Variants in LOXHD1 observed in about 807,000 individuals in gnomAD.
LOXHD1 encodes lipoxygenase homology PLAT domains 1.
Under a neutral mutation model 248.2 loss-of-function variants are expected in LOXHD1, and 205 were observed. That is an observed-to-expected ratio of 0.83 (90% CI 0.74 to 0.93). The LOEUF (loss-of-function observed/expected upper bound fraction) is 0.93. Ranked by LOEUF, LOXHD1 falls within the 40% of genes least tolerant of loss-of-function variation. The pLI, the probability that LOXHD1 is intolerant of heterozygous loss-of-function variation, is 0.00. For missense variants in LOXHD1, 2,930 were observed against 2,971.6 expected, an observed-to-expected ratio of 0.99 and a Z score of 0.33; for synonymous variants, 1,113 against 1,162.8, an observed-to-expected ratio of 0.96 and a Z score of 0.87.
At chr18:46,521,390 G>A in intron 32 of LOXHD1, 108 bp from the exon 33 acceptor site, 1 of 1,237,278 alleles carries the variant, frequency 8.1e-7, no homozygotes, top group Non-Finnish European at 1.1e-6. Flanking sequence ...CTGTGCACTT[G>A]CTGGCCCAGG....
intron 28 of LOXHD1, among the ~76,000 whole-genome samples, chr18:46,530,937 C>T (rs1439413623): frequency 6.6e-6 from 1 of 152,114 alleles, no homozygotes; most frequent in Non-Finnish European, 1.5e-5. Flanking sequence ...GAGTCTTTGC[C>T]TCCAACCCAG....
chr18:46,568,425 A>G (rs1331334640), intron 16 of LOXHD1, among the ~76,000 whole-genome samples: 1 of 152,200 alleles, frequency 6.6e-6, no homozygotes, highest in African/African-American at 2.4e-5. Flanking sequence ...TGGCCTATAA[A>G]GACTTGAACA....
chr18:46,484,738 T>C (rs1598814450), intron 39 of LOXHD1, among the ~76,000 whole-genome samples: 1 of 151,960 alleles, frequency 6.6e-6, no homozygotes, highest in African/African-American at 2.4e-5. Flanking sequence ...TGGAAGGAGG[T>C]GTGGTCCTTG....
chr18:46,543,424 AT>A lies in LOXHD1; in HGVS notation c.3620-570del, dbSNP rs963969104. Reference sequence around the variant, plus strand: ...ATTTTCTTTTTATCTTTTAAAAAAAATTTTTTATTACACTTTAAGTTCTGGG... The same window carrying A: ...ATTTTCTTTTTATCTTTTAAAAAAAATTTTTATTACACTTTAAGTTCTGGG... On this transcript the variant is annotated intron_variant, in intron 23 of 40. Transcript: ENST00000642948. 1.8e-3 allele frequency among the ~76,000 whole-genome samples: 275 copies of A among 152,194 alleles called. 4 individuals carry two copies. Among genetic ancestry groups the A allele is most frequent in the African/African-American group, 6.2e-3 (257 of 41,542 alleles).
At chr18:46,516,645 C>G (rs1213711246) in intron 34 of LOXHD1, among the ~76,000 whole-genome samples, 1 of 152,136 alleles carries the variant, frequency 6.6e-6, no homozygotes, top group Non-Finnish European at 1.5e-5. Context: ...CTGCCACCAT[C>G]ATAATCATCA....
chr18:46,569,376 A>G lies in LOXHD1; in HGVS notation c.2244+66T>C, dbSNP rs567872773. 51 of 1,316,354 alleles carry G rather than the reference A, an allele frequency of 3.9e-5. No individual in the cohort carries two copies. In the South Asian group the frequency reaches 6.5e-4, roughly 17 times the overall value. The allele number at this position is 1,316,354 out of a possible 1,614,324, so 81.5% of individuals were successfully genotyped here. A position where few individuals can be genotyped will look rare whatever the true frequency, so the allele number is the denominator to read the frequency against. Reference sequence around the variant, plus strand: ...TGTGTGTGGACATATGTGTGTGTGGACACGTGTGAATGTGTGTTCGGAAAT... The same window carrying G: ...TGTGTGTGGACATATGTGTGTGTGGGCACGTGTGAATGTGTGTTCGGAAAT... On this transcript the variant is annotated intron_variant, in intron 16 of 40. Coordinates refer to ENST00000642948, the MANE Select transcript of LOXHD1 (RefSeq NM_001384474.1).
At chr18:46,487,558 T>C (rs181224828) in intron 38 of LOXHD1, among the ~76,000 whole-genome samples, 11 of 152,258 alleles carry the variant, frequency 7.2e-5, no homozygotes, top group African/African-American at 2.6e-4. Flanking sequence ...ACCATGTGGG[T>C]TGGATGGAGC....
intron 19 of LOXHD1, 40 bp downstream of exon 19, chr18:46,560,043 G>GCCCCCCCCCCCCCC: frequency 2.1e-6 from 3 of 1,401,428 alleles, no homozygotes; most frequent in East Asian, 2.6e-5. Flanking sequence ...GAACTGTCTG[G>GCCCCCCCCCCCCCC]CCACTCCCTC....
In LOXHD1 at chr18:46,483,359, A is replaced by G. The variant is rs111445041; in HGVS notation, c.6341+228T>C. Among the ~76,000 whole-genome samples, 991 of 152,332 alleles carry G rather than the reference A, an allele frequency of 6.5e-3. 15 individuals are homozygous for G. Among genetic ancestry groups the G allele is most frequent in the African/African-American group, 0.023 (940 of 41,572 alleles). Reference sequence around the variant, plus strand: ...TGGATCCAAAGACTAGATGCACCCCAGGTCATCTGGCCTACTCCCCTGCCT... The same window carrying G: ...TGGATCCAAAGACTAGATGCACCCCGGGTCATCTGGCCTACTCCCCTGCCT... On this transcript the variant is annotated intron_variant, in intron 40 of 40. Coordinates refer to ENST00000642948, the MANE Select transcript of LOXHD1 (RefSeq NM_001384474.1).
chr18:46,655,461 C>T (rs550261752), intron 1 of LOXHD1, among the ~76,000 whole-genome samples: 63 of 152,324 alleles, frequency 4.1e-4, no homozygotes, highest in African/African-American at 1.4e-3. Context: ...CCAACAGTCA[C>T]GTGGCTGGGG....
intron 21 of LOXHD1, among the ~76,000 whole-genome samples, chr18:46,549,469 T>C (rs1249236791): frequency 1.3e-5 from 2 of 152,194 alleles, no homozygotes; most frequent in Non-Finnish European, 2.9e-5. Flanking sequence ...GGCAGAGTGG[T>C]GTAATGACAA....
intron 37 of LOXHD1, among the ~76,000 whole-genome samples, chr18:46,490,472 G>C (rs914001880): frequency 1.3e-5 from 2 of 152,204 alleles, no homozygotes; most frequent in African/African-American, 4.8e-5. Flanking sequence ...AAACAGTGAA[G>C]TTACTTATTT....
chr18:46,574,605 A>C (rs2037819434), intron 14 of LOXHD1, among the ~76,000 whole-genome samples: 1 of 147,326 alleles, frequency 6.8e-6, no homozygotes. Flanking sequence ...AGACATAAGA[A>C]CCCATTTTCT....
chr18:46,578,945 TC>T (rs1238294150), intron 13 of LOXHD1, among the ~76,000 whole-genome samples: 1 of 152,212 alleles, frequency 6.6e-6, no homozygotes, highest in African/African-American at 2.4e-5. Context: ...CTTGCCTAGC[TC>T]TTTCCCCACT....
intron 19 of LOXHD1, 31 bp downstream of exon 19, chr18:46,560,052 T>TGCCCCCCCCCCCCCCCCC: frequency 2.3e-6 from 1 of 441,130 alleles, no homozygotes; most frequent in Non-Finnish European, 3.6e-6. Context: ...GGCCACTCCC[T>TGCCCCCCCCCCCCCCCCC]CCCCACCCCC....
rs72909389 is a variant in LOXHD1, at chr18:46,502,263, C to G, written c.5878+3575G>C. 9.5e-3 allele frequency among the ~76,000 whole-genome samples: 1,441 copies of G among 152,092 alleles called. 9 individuals carry two copies. Among genetic ancestry groups the G allele is most frequent in the Non-Finnish European group, 0.016 (1,106 of 67,992 alleles). ...CCTAGATGGTTTGGAAGGAAGGGTACAGTATGGAGGCAGGAATGGCTGAAA... is the reference window on the plus strand; with the variant it reads ...CCTAGATGGTTTGGAAGGAAGGGTAGAGTATGGAGGCAGGAATGGCTGAAA... On this transcript the variant is annotated intron_variant, in intron 37 of 40. Coordinates refer to ENST00000642948, the MANE Select transcript of LOXHD1 (RefSeq NM_001384474.1).
intron 19 of LOXHD1, 35 bp downstream of exon 19, chr18:46,560,048 T>TCCCAACCCCC: frequency 3.5e-5 from 43 of 1,226,234 alleles, no homozygotes; most frequent in Non-Finnish European, 4.4e-5. Context: ...GTCTGGCCAC[T>TCCCAACCCCC]CCCTCCCCAC....
At chr18:46,501,997 A>G (rs796189205) in intron 37 of LOXHD1, among the ~76,000 whole-genome samples, 33 of 152,356 alleles carry the variant, frequency 2.2e-4, no homozygotes, top group African/African-American at 7.9e-4. Flanking sequence ...TCCCTGTTAC[A>G]TACAGTGGCT....
intron 1 of LOXHD1, among the ~76,000 whole-genome samples, chr18:46,651,311 T>C (rs1305992260): frequency 6.6e-6 from 1 of 152,170 alleles, no homozygotes; most frequent in Non-Finnish European, 1.5e-5. Context: ...CAACTCCTTG[T>C]CTTTTGTGAT....
Sources: gnomAD v4.1 joint callset for allele counts (sites outside exome capture counted in the v4.1 genomes callset) on GRCh38, gnomAD v4.1.1 for gene constraint, MANE v1.5 for transcripts, NCBI Gene and HGNC (gene_info 2026-07-23, HGNC 2026-07-21) for gene names.